Variants in DAG1 observed in about 807,000 individuals in gnomAD.
DAG1 encodes the protein dystroglycan 1 (dystrophin-associated glycoprotein 1).
DAG1 carries 8 observed loss-of-function variants against 46.1 expected under a neutral mutation model. The observed-to-expected ratio is 0.17, with a 90% confidence interval of 0.10 to 0.31. DAG1 has a LOEUF of 0.31. Among genes scored for constraint, DAG1 ranks in the 10% least tolerant of loss-of-function variants. DAG1 has a pLI of 1.00. For synonymous variants in DAG1, 495 were observed against 481.8 expected, an observed-to-expected ratio of 1.03 and a Z score of -0.36; for missense variants, 1,003 against 1,189.9, an observed-to-expected ratio of 0.84 and a Z score of 2.31.
intron 1 of DAG1, among the ~76,000 whole-genome samples, chr3:49,500,415 C>T (rs2050417897): frequency 6.6e-6 from 1 of 152,204 alleles, no homozygotes; most frequent in South Asian, 2.1e-4. Context: ...ACTGGCCCTA[C>T]CCCAACTAGC....
chr3:49,494,342 T>C (rs2050257201), intron 1 of DAG1, among the ~76,000 whole-genome samples: 1 of 154 alleles, frequency 6.5e-3, no homozygotes, highest in Non-Finnish European at 0.013. Flanking sequence ...CCCAGGCCTT[T>C]ATTACAGGGG....
Position 49,510,805 on chromosome 3 carries a change from G to A in DAG1, c.271G>A (p.Gly91Arg), listed in dbSNP as rs1193999215. Residue 91 changes from glycine to arginine, a missense_variant, in exon 2 of 3, where the codon GGA becomes AGA. Transcript: ENST00000308775. Reference protein sequence around the residue: ...TIPTDLIASSGDIIKVSAAGK... With the variant: ...TIPTDLIASSRDIIKVSAAGK... Reference sequence around the variant, plus strand: ...TCCAACAGATTTGATTGCCTCCAGTGGAGATATCATCAAGGTGAGACTGGA... The same window carrying A: ...TCCAACAGATTTGATTGCCTCCAGTAGAGATATCATCAAGGTGAGACTGGA... 1.9e-6 allele frequency: 3 copies of A among 1,614,170 alleles called. No homozygotes were observed. The African/African-American group carries it at 4.0e-5, about 22-fold the overall frequency.
chr3:49,512,564 G>GTT (rs2050791214), intron 2 of DAG1, among the ~76,000 whole-genome samples: 1 of 151,408 alleles, frequency 6.6e-6, no homozygotes, highest in African/African-American at 2.4e-5. Context: ...GCTAATTTTT[G>GTT]TATTTTTAGT....
chr3:49,486,380 G>A (rs1385505037), intron 1 of DAG1, among the ~76,000 whole-genome samples: 3 of 151,682 alleles, frequency 2.0e-5, no homozygotes, highest in Admixed American at 1.3e-4. Context: ...CACCACGCCC[G>A]GCTAATTTTT....
chr3:49,510,712 G>A lies in DAG1; in HGVS notation c.178G>A (p.Ala60Thr), dbSNP rs777003692. The change falls in exon 2 of 3, where the codon GCT (alanine) becomes ACT (threonine). Residue 60 changes from alanine to threonine, a missense_variant. Physicochemically the swap from Ala to Thr is moderately conservative, Grantham distance 58 (BLOSUM62 0). Around this residue, in one of 3 missense-constraint regions of DAG1, gnomAD observed 196 missense variants for 239.1 expected, o/e 0.82. Coordinates refer to ENST00000308775, the MANE Select transcript of DAG1 (RefSeq NM_004393.6). ...CTCAGTGCTCTCAGACCTCCACGAG[G>A]CTGTTCCCACAGTGGTTGGCATTCC... ...MHSVLSDLHEAVPTVVGIPDG... is the reference protein window; with the variant it reads ...MHSVLSDLHETVPTVVGIPDG... 2 of 1,614,206 alleles carry A rather than the reference G, an allele frequency of 1.2e-6. No individual in the cohort carries two copies. Among genetic ancestry groups the A allele is most frequent in the Non-Finnish European group, 1.7e-6 (2 of 1,180,044 alleles).
At position 49,510,549 on chromosome 3, in the gene DAG1, G is replaced by T. The variant is rs1405959055; in HGVS notation, c.15G>T (p.Val5=). 6.2e-7 allele frequency: 1 copy of T among 1,613,336 alleles called. No homozygotes were observed. The highest frequency in any genetic ancestry group is 8.5e-7 in the Non-Finnish European group (1 of 1,179,956). ...TTGGACCTGGGATGAGGATGTCTGT[G>T]GGCCTCTCGCTGCTGCTGCCCCTCT... MRMS[V]GLSLLLPLSG... Residue 5 remains valine, a synonymous_variant, in exon 2 of 3, where the codon GTG becomes GTT. Coordinates refer to ENST00000308775, the MANE Select transcript of DAG1 (RefSeq NM_004393.6).
intron 1 of DAG1, chr3:49,488,482 A>C (rs1381110358): frequency 6.6e-6 from 1 of 152,226 alleles, no homozygotes; most frequent in Admixed American, 6.5e-5. Context: ...CCTGGAGAGC[A>C]AGATATGCAA....
At chr3:49,528,275 A>ATTTTT (rs147292984) in intron 2 of DAG1, among the ~76,000 whole-genome samples, 7,072 of 66,422 alleles carry the variant, frequency 0.11, 1,535 homozygotes, top group Middle Eastern at 0.16. Flanking sequence ...AAATAGTGTG[A>ATTTTT]TTTTTTTTTT....
chr3:49,481,003 C>T (rs1270802272), intron 1 of DAG1, among the ~76,000 whole-genome samples: 17 of 146,626 alleles, frequency 1.2e-4, no homozygotes, highest in Admixed American at 7.5e-4. Flanking sequence ...CCTCGTGATC[C>T]GCCCGCTTCG....
chr3:49,523,981 T>C (rs1032311095), intron 2 of DAG1, among the ~76,000 whole-genome samples: 5 of 152,202 alleles, frequency 3.3e-5, no homozygotes, highest in Non-Finnish European at 7.3e-5. Context: ...TGGCTTGTCA[T>C]TGGGCTGCAT....
intron 1 of DAG1, among the ~76,000 whole-genome samples, chr3:49,504,891 G>A (rs1452336875): frequency 1.4e-5 from 2 of 146,844 alleles, no homozygotes; most frequent in African/African-American, 2.5e-5. Flanking sequence ...GATTACAGGT[G>A]TGAGCCACTG....
chr3:49,515,020 C>T (rs1314321177), intron 2 of DAG1, among the ~76,000 whole-genome samples: 6 of 152,222 alleles, frequency 3.9e-5, no homozygotes, highest in East Asian at 1.9e-4. Flanking sequence ...CCACCACACC[C>T]GGCTAGGGTT....
intron 2 of DAG1, among the ~76,000 whole-genome samples, chr3:49,525,526 G>T (rs550151083): frequency 6.6e-6 from 1 of 151,904 alleles, no homozygotes; most frequent in Non-Finnish European, 1.5e-5. Context: ...CGGCTGGCCG[G>T]AACAGGAGGA....
At chr3:49,475,845 A>G (rs2049669400) in intron 1 of DAG1, among the ~76,000 whole-genome samples, 1 of 151,796 alleles carries the variant, frequency 6.6e-6, no homozygotes, top group Admixed American at 6.6e-5. Context: ...CTGGGACTAC[A>G]GGTGCCCGCC....
rs752449720 is a variant in DAG1 at position 49,496,353 on chromosome 3, C to CT, written c.-116-14044dup. The stretch of plus-strand genomic sequence containing the variant: ...CTTGGCCAATTTTTTAAATTTTTAA[C>CT]TTTTTTTTTTTTTTTTTTTTTTGAG... On this transcript the variant is annotated intron_variant, in intron 1 of 2. Coordinates refer to ENST00000308775, the MANE Select transcript of DAG1 (RefSeq NM_004393.6). 5.7e-3 allele frequency among the ~76,000 whole-genome samples: 478 copies of CT among 84,124 alleles called. 4 individuals are homozygous for CT. Among genetic ancestry groups the CT allele is most frequent in the African/African-American group, 7.8e-3 (177 of 22,610 alleles). 55.2% of individuals were successfully genotyped at this position (84,124 alleles called of 152,430 possible).
chr3:49,477,858 A>G (rs972523634), intron 1 of DAG1, among the ~76,000 whole-genome samples: 7 of 151,978 alleles, frequency 4.6e-5, no homozygotes, highest in Non-Finnish European at 7.4e-5. Context: ...GCTACTTGGG[A>G]GGCTGAGAAA....
chr3:49,532,041 T>C lies in DAG1; in HGVS notation c.1530T>C (p.Val510=). 11 of 1,614,210 alleles carry C rather than the reference T, an allele frequency of 6.8e-6. No individual in the cohort carries two copies. Among genetic ancestry groups the C allele is most frequent in the Non-Finnish European group, 9.3e-6 (11 of 1,180,040 alleles). ...KNHIDRVDAW[V]GTYFEVKIPS... ...ATATTGACAGGGTAGATGCCTGGGT[T>C]GGCACCTACTTTGAGGTGAAGATCC... is the stretch of plus-strand genomic sequence containing the variant. The change falls in exon 3 of 3, where the codon GTT becomes GTC. Residue 510 remains valine (V), a synonymous_variant. Coordinates refer to ENST00000308775, the MANE Select transcript of DAG1 (RefSeq NM_004393.6). This position sits in a 1 kb window ranked among gnomAD's most constrained non-coding sequence, Gnocchi z 5.4.
At chr3:49,490,732 C>G (rs551483124) in intron 1 of DAG1, among the ~76,000 whole-genome samples, 7 of 151,590 alleles carry the variant, frequency 4.6e-5, no homozygotes, top group African/African-American at 1.7e-4. Flanking sequence ...ACCATGCTGG[C>G]CTAATTTTGT....
At chr3:49,510,097 A>C (rs753478112) in intron 1 of DAG1, 3 of 297,478 alleles carry the variant, frequency 1.0e-5, no homozygotes, top group South Asian at 1.8e-4. Context: ...ATTTTATTGA[A>C]TGTATCTGAC....
Sources: gnomAD v4.1 joint callset for allele counts (sites outside exome capture counted in the v4.1 genomes callset) on GRCh38, gnomAD v4.1.1 for gene constraint, gnomAD v4.1.1 regional missense constraint, Gnocchi (gnomAD v3.1) non-coding constraint, MANE v1.5 for transcripts, NCBI Gene and HGNC (gene_info 2026-07-23, HGNC 2026-07-21) for gene names.